Variants in AFG2A observed in about 807,000 individuals in gnomAD.
AFG2A encodes AAA ATPase AFG2A, also known as ATPase family gene 2 protein homolog A.
chr4:123,048,195 C>T, the AFG2A span, among the ~76,000 whole-genome samples: 2 of 152,176 alleles, frequency 1.3e-5, no homozygotes, highest in Non-Finnish European at 1.5e-5. Context: ...TTTCTGGGTT[C>T]TCTCTTTTGT....
At chr4:123,312,689 C>T in the AFG2A span, among the ~76,000 whole-genome samples, 3 of 152,164 alleles carry the variant, frequency 2.0e-5, no homozygotes, top group Non-Finnish European at 4.4e-5. Context: ...TAGCCACCCT[C>T]TTTTTTCAGA....
chr4:123,058,760 G>T, the AFG2A span, among the ~76,000 whole-genome samples: 1 of 152,100 alleles, frequency 6.6e-6, no homozygotes, highest in African/African-American at 2.4e-5. Flanking sequence ...GAATTATGGG[G>T]GCTACAATTC....
the AFG2A span, among the ~76,000 whole-genome samples, chr4:123,253,724 C>T: frequency 1.3e-5 from 2 of 151,906 alleles, no homozygotes; most frequent in African/African-American, 2.4e-5. Flanking sequence ...AGGTAACTAC[C>T]TAGATTATTT....
chr4:123,316,902 T>A, the AFG2A span: 8 of 152,218 alleles, frequency 5.3e-5, no homozygotes, highest in African/African-American at 1.9e-4. Context: ...ACTTGGCCTG[T>A]GCTTTTGATT....
At chr4:123,038,115 T>TG in the AFG2A span, among the ~76,000 whole-genome samples, 1 of 152,120 alleles carries the variant, frequency 6.6e-6, no homozygotes, top group Non-Finnish European at 1.5e-5. Context: ...GCCAAATATT[T>TG]GGGGCAGTTT....
chr4:123,011,202 TTA>T, the AFG2A span, among the ~76,000 whole-genome samples: 1 of 152,262 alleles, frequency 6.6e-6, no homozygotes, highest in Non-Finnish European at 1.5e-5. Flanking sequence ...TAAAGTTTGC[TTA>T]TATGAGTTTG....
At chr4:123,070,347 T>TG in the AFG2A span, among the ~76,000 whole-genome samples, 1 of 152,186 alleles carries the variant, frequency 6.6e-6, no homozygotes. Flanking sequence ...TGCTAGATCC[T>TG]TTATATGTTT....
At chr4:123,148,071 A>G in the AFG2A span, among the ~76,000 whole-genome samples, 1 of 152,208 alleles carries the variant, frequency 6.6e-6, no homozygotes, top group Non-Finnish European at 1.5e-5. Flanking sequence ...TTTTAAATAG[A>G]TGGTAGTGTT....
At chr4:123,102,424 G>A in the AFG2A span, 1 of 151,786 alleles carries the variant, frequency 6.6e-6, no homozygotes, top group Non-Finnish European at 1.5e-5. Context: ...TTTGAAAAAG[G>A]AGAACTTGTT....
At chr4:123,047,847 T>G in the AFG2A span, among the ~76,000 whole-genome samples, 3 of 151,934 alleles carry the variant, frequency 2.0e-5, no homozygotes, top group Admixed American at 1.3e-4. Context: ...GGAATACAGG[T>G]GTGAACCACT....
At chr4:122,956,245 C>A in the AFG2A span, among the ~76,000 whole-genome samples, 1 of 152,144 alleles carries the variant, frequency 6.6e-6, no homozygotes, top group South Asian at 2.1e-4. Context: ...AAAATGACAT[C>A]TAAGAAGAAG....
At chr4:123,169,860 A>G in the AFG2A span, among the ~76,000 whole-genome samples, 1 of 152,234 alleles carries the variant, frequency 6.6e-6, no homozygotes, top group East Asian at 1.9e-4. Context: ...TAATTGTAAA[A>G]TAGATAAACG....
At chr4:123,148,038 G>T in the AFG2A span, among the ~76,000 whole-genome samples, 1 of 152,150 alleles carries the variant, frequency 6.6e-6, no homozygotes, top group Admixed American at 6.6e-5. Context: ...AAAAAGAGCA[G>T]TGTAAAATTT....
At chr4:123,016,643 T>C in the AFG2A span, among the ~76,000 whole-genome samples, 3 of 141,002 alleles carry the variant, frequency 2.1e-5, no homozygotes, top group African/African-American at 8.2e-5. Context: ...CCAGACTGGG[T>C]AGCCAGGCAG....
the AFG2A span, among the ~76,000 whole-genome samples, chr4:123,001,488 A>G: frequency 5.3e-4 from 80 of 150,812 alleles, no homozygotes; most frequent in Non-Finnish European, 8.6e-4. Context: ...TGTCCCAGAG[A>G]TTCTGGTATG....
At chr4:123,184,694 G>C in the AFG2A span, among the ~76,000 whole-genome samples, 1 of 150,394 alleles carries the variant, frequency 6.6e-6, no homozygotes, top group Admixed American at 6.6e-5. Flanking sequence ...CCGCCACTAC[G>C]CCCGGCTAAT....
the AFG2A span, among the ~76,000 whole-genome samples, chr4:123,264,928 T>C: frequency 6.6e-6 from 1 of 152,134 alleles, no homozygotes; most frequent in African/African-American, 2.4e-5. Flanking sequence ...TCCAGGGATA[T>C]GTAGTATGGT....
the AFG2A span, among the ~76,000 whole-genome samples, chr4:123,104,912 G>A: frequency 6.6e-6 from 1 of 152,242 alleles, no homozygotes; most frequent in African/African-American, 2.4e-5. Flanking sequence ...AAGTGAAGCA[G>A]CAAGTGCTGA....
chr4:123,130,348 T>C, the AFG2A span, among the ~76,000 whole-genome samples: 2 of 152,176 alleles, frequency 1.3e-5, no homozygotes, highest in Non-Finnish European at 2.9e-5. Context: ...ATGCATAGAA[T>C]TGGGTAACCA....
Sources: gnomAD v4.1 joint callset for allele counts (sites outside exome capture counted in the v4.1 genomes callset) on GRCh38, gnomAD v4.1.1 for gene constraint, MANE v1.5 for transcripts, NCBI Gene and HGNC (gene_info 2026-07-23, HGNC 2026-07-21) for gene names.